Variants in FRMD4B observed in about 807,000 individuals in gnomAD.
The protein encoded by FRMD4B is FERM domain containing 4B, also known as FERM domain-containing protein 4B.
Under a neutral mutation model 141.5 loss-of-function variants are expected in FRMD4B, and 74 were observed. The observed-to-expected ratio is 0.52, with a 90% CI of 0.43 to 0.63. FRMD4B has a LOEUF of 0.63. Ranked by LOEUF, FRMD4B falls within the 30% of genes least tolerant of loss-of-function variation. The probability of loss-of-function intolerance (pLI) is 0.00; values close to 1 mark genes in which losing one functional copy is unlikely to be tolerated. For synonymous variants in FRMD4B, 506 were observed against 467.9 expected (o/e 1.08, Z -1.05); for missense variants, 1,366 against 1,253.4 (o/e 1.09, Z -1.36).
At chr3:69,453,351 T>A (rs1330011904) in intron 1 of FRMD4B, among the ~76,000 whole-genome samples, 1 of 152,226 alleles carries the variant, frequency 6.6e-6, no homozygotes, top group African/African-American at 2.4e-5. Context: ...TGGTCCTTAC[T>A]CTCTGATGGC....
chr3:69,372,540 C>T (rs1703855893), intron 1 of FRMD4B, among the ~76,000 whole-genome samples: 1 of 152,194 alleles, frequency 6.6e-6, no homozygotes, highest in Non-Finnish European at 1.5e-5. Flanking sequence ...TGGCACGCAC[C>T]TGTAATCCCA....
At chr3:69,336,882 T>G (rs969384495) in intron 1 of FRMD4B, among the ~76,000 whole-genome samples, 9 of 152,194 alleles carry the variant, frequency 5.9e-5, no homozygotes, top group African/African-American at 1.7e-4. Context: ...AGGCAGAGGT[T>G]GCAGTGAGCC....
intron 1 of FRMD4B, among the ~76,000 whole-genome samples, chr3:69,349,202 A>G (rs527322592): frequency 1.1e-4 from 16 of 152,372 alleles, no homozygotes; most frequent in African/African-American, 3.1e-4. Flanking sequence ...GAGCCAAATC[A>G]TGAGTGAACT....
At chr3:69,520,800 C>T (rs1167971861) in intron 1 of FRMD4B, among the ~76,000 whole-genome samples, 1 of 152,092 alleles carries the variant, frequency 6.6e-6, no homozygotes, top group Non-Finnish European at 1.5e-5. Context: ...AAACCACAGG[C>T]ACCCAAGCTC....
At chr3:69,265,113 G>A (rs2093552217) in intron 5 of FRMD4B, among the ~76,000 whole-genome samples, 2 of 150,376 alleles carry the variant, frequency 1.3e-5, no homozygotes, top group Admixed American at 1.3e-4. Context: ...AAATTAGCCG[G>A]GGGCAGTGGT....
intron 19 of FRMD4B, among the ~76,000 whole-genome samples, chr3:69,184,427 T>G (rs2092743967): frequency 6.6e-6 from 1 of 152,248 alleles, no homozygotes; most frequent in Non-Finnish European, 1.5e-5. Context: ...ACAGTGTTAT[T>G]TTAATGACTG....
At chr3:69,525,505 G>T (rs557937862) in intron 1 of FRMD4B, among the ~76,000 whole-genome samples, 1 of 152,322 alleles carries the variant, frequency 6.6e-6, no homozygotes, top group South Asian at 2.1e-4. Flanking sequence ...ATCAACACAT[G>T]CAGATCCACT....
In FRMD4B at chr3:69,430,555, G is replaced by A. The variant is rs150036736; in HGVS notation, c.-1+2079C>T. 3.4e-4 allele frequency among the ~76,000 whole-genome samples: 52 copies of A among 152,206 alleles called. No individual in the cohort carries two copies. In the East Asian group the frequency reaches 9.5e-3, roughly 28 times the overall value. Reference sequence around the variant, plus strand: ...TCTCAAAATGTTTACTGAGTACCTCGTATATGGCAATTGCTGGACCAGGAT... The same window carrying A: ...TCTCAAAATGTTTACTGAGTACCTCATATATGGCAATTGCTGGACCAGGAT... On this transcript the variant is annotated intron_variant, in intron 2 of 5. Transcript: ENST00000459638.
At chr3:69,401,029 C>T (rs990144174) in intron 2 of FRMD4B, among the ~76,000 whole-genome samples, 3 of 152,162 alleles carry the variant, frequency 2.0e-5, no homozygotes, top group Admixed American at 6.5e-5. Context: ...CTTTTCCATA[C>T]ACACTACTAT....
intron 1 of FRMD4B, among the ~76,000 whole-genome samples, chr3:69,504,759 T>G (rs147256511): frequency 6.6e-6 from 1 of 152,332 alleles, no homozygotes; most frequent in East Asian, 1.9e-4. Flanking sequence ...TAGGTTAATC[T>G]TTGCACACAT....
chr3:69,479,940 G>A lies in FRMD4B; in HGVS notation c.-128-47179C>T, dbSNP rs994332656. On this transcript the variant is annotated intron_variant, in intron 1 of 5. Coordinates refer to the FRMD4B transcript ENST00000459638. Reference sequence around the variant, plus strand: ...CTTTTTTCTCTAAACTTCCCTTCTCGCTTCATTTCATTCATTTCATCTTCC... The same window carrying A: ...CTTTTTTCTCTAAACTTCCCTTCTCACTTCATTTCATTCATTTCATCTTCC... 1.1e-4 allele frequency among the ~76,000 whole-genome samples: 17 copies of A among 151,504 alleles called. No individual in the cohort carries two copies. In the East Asian group the frequency reaches 1.4e-3, roughly 12 times the overall value.
intron 1 of FRMD4B, among the ~76,000 whole-genome samples, chr3:69,323,608 G>GTATGTGTATATATA (rs1553723965): frequency 9.8e-6 from 1 of 101,672 alleles, no homozygotes; most frequent in African/African-American, 3.7e-5. Context: ...CTCTCTCTGT[G>GTATGTGTATATATA]TATATATATA....
chr3:69,520,598 C>A lies in FRMD4B; in HGVS notation c.-129+21608G>T, dbSNP rs532249273. Among the ~76,000 whole-genome samples, 15 of 151,912 alleles carry A rather than the reference C, an allele frequency of 9.9e-5. No homozygotes were observed. In the East Asian group the frequency reaches 2.5e-3, roughly 26 times the overall value. ...CTGGAAGCCACTCAGTGTGAGGGAG[C>A]TAACACCCAAGAAGAAACCCTTGGC... On this transcript the variant is annotated intron_variant, in intron 1 of 5. Coordinates refer to the FRMD4B transcript ENST00000459638.
chr3:69,282,911 A>G (rs1314554462), intron 5 of FRMD4B, among the ~76,000 whole-genome samples: 5 of 152,016 alleles, frequency 3.3e-5, no homozygotes, highest in South Asian at 2.1e-4. Context: ...TGTTGGGATT[A>G]CAGGTGTGAG....
At position 69,420,311 on chromosome 3, in the gene FRMD4B, A is replaced by C. The variant is rs555530643; in HGVS notation, c.-1+12323T>G. ...ATATCAAAAAAAAAAAAAAACAACC[A>C]AAACAACCCTACATTCTTTTCACCT... is the stretch of plus-strand genomic sequence containing the variant. On this transcript the variant is annotated intron_variant, in intron 2 of 5. Coordinates refer to the FRMD4B transcript ENST00000459638. Among the ~76,000 whole-genome samples, 463 of 150,104 alleles carry C rather than the reference A, an allele frequency of 3.1e-3. 5 individuals are homozygous for C. Among genetic ancestry groups the C allele is most frequent in the African/African-American group, 0.011 (451 of 40,576 alleles).
At chr3:69,377,813 CTTCT>C (rs1193662972) in intron 1 of FRMD4B, among the ~76,000 whole-genome samples, 17 of 136,456 alleles carry the variant, frequency 1.2e-4, no homozygotes, top group African/African-American at 2.6e-4. Context: ...ACTTCTTCTT[CTTCT>C]TTTTTTTTTT....
At chr3:69,340,200 C>G (rs1413307782) in intron 1 of FRMD4B, among the ~76,000 whole-genome samples, 1 of 151,646 alleles carries the variant, frequency 6.6e-6, no homozygotes, top group African/African-American at 2.4e-5. Flanking sequence ...GGTACATGTA[C>G]AGGTTTGTTG....
At chr3:69,496,191 T>G (rs561545225) in intron 1 of FRMD4B, among the ~76,000 whole-genome samples, 13 of 152,344 alleles carry the variant, frequency 8.5e-5, no homozygotes, top group Admixed American at 8.5e-4. Flanking sequence ...GTAAGTATTG[T>G]AAAAATGCCA....
intron 1 of FRMD4B, among the ~76,000 whole-genome samples, chr3:69,355,045 G>A (rs930317982): frequency 3.3e-5 from 5 of 151,722 alleles, no homozygotes; most frequent in Non-Finnish European, 7.4e-5. Context: ...AAAAAGCTGG[G>A]CAATGATATT....
Sources: gnomAD v4.1 joint callset for allele counts (sites outside exome capture counted in the v4.1 genomes callset) on GRCh38, gnomAD v4.1.1 for gene constraint, MANE v1.5 for transcripts, NCBI Gene and HGNC (gene_info 2026-07-23, HGNC 2026-07-21) for gene names.